Variants in SETD2 observed in about 807,000 individuals in gnomAD.
The protein encoded by SETD2 is histone-lysine N-methyltransferase SETD2.
Under a neutral mutation model 242.1 loss-of-function variants are expected in SETD2, and 31 were observed. That is an observed-to-expected ratio of 0.13 (90% CI 0.10 to 0.17). SETD2 has a LOEUF of 0.17. Ranked by LOEUF, SETD2 falls within the 10% of genes least tolerant of loss-of-function variation. SETD2 has a pLI of 1.00. For missense variants in SETD2, 2,481 were observed against 3,046.3 expected (o/e 0.81, Z 4.37); for synonymous variants, 1,006 against 1,066.5 (o/e 0.94, Z 1.11).
At chr3:47,160,785 TAA>T (rs1234610073) in intron 1 of SETD2, among the ~76,000 whole-genome samples, 4 of 152,176 alleles carry the variant, frequency 2.6e-5, no homozygotes, top group Admixed American at 2.0e-4. Flanking sequence ...TCTCCTTCAT[TAA>T]AAGAGTTCCT....
chr3:47,085,016 G>A (rs1439632568), intron 11 of SETD2, among the ~76,000 whole-genome samples: 2 of 151,994 alleles, frequency 1.3e-5, no homozygotes, highest in African/African-American at 4.8e-5. Flanking sequence ...CAGGCATTGA[G>A]CCACAGCGCC....
chr3:47,073,373 G>A (rs972864843), intron 12 of SETD2, among the ~76,000 whole-genome samples: 1 of 152,124 alleles, frequency 6.6e-6, no homozygotes, highest in Non-Finnish European at 1.5e-5. Context: ...ATACTACTGA[G>A]CAATAAGGCT....
At chr3:47,103,207 AT>A (rs1168616707) in intron 7 of SETD2, 138 bp downstream of exon 7, 8 of 602,214 alleles carry the variant, frequency 1.3e-5, no homozygotes, top group Middle Eastern at 3.0e-4. Context: ...CTATTTCCAA[AT>A]AAAATCTTAA....
At position 47,163,947 on chromosome 3, in the gene SETD2, C is replaced by G. The variant is rs1697588948; in HGVS notation, c.-23G>C. 1 of 1,276,686 alleles carries G rather than the reference C, an allele frequency of 7.8e-7. No individual in the cohort carries two copies. Among genetic ancestry groups the G allele is most frequent in the African/African-American group, 1.5e-5 (1 of 65,038 alleles). 79.1% of individuals were successfully genotyped at this position (1,276,686 alleles called of 1,614,324 possible). On this transcript the variant is annotated 5_prime_UTR_variant, in exon 1 of 21. Coordinates refer to ENST00000409792, the MANE Select transcript of SETD2 (RefSeq NM_014159.7). Reference sequence around the variant, plus strand: ...CATCGGGAGCGGCTGGAGACGGCGACGCGAGCCCCCTCCCCGCAGCAGGGC... The same window carrying G: ...CATCGGGAGCGGCTGGAGACGGCGAGGCGAGCCCCCTCCCCGCAGCAGGGC...
intron 1 of SETD2, among the ~76,000 whole-genome samples, chr3:47,135,339 A>G (rs1323731748): frequency 1.3e-5 from 2 of 152,206 alleles, no homozygotes; most frequent in African/African-American, 4.8e-5. Context: ...CAGTGGCACA[A>G]TCTTGGCTCA....
intron 2 of SETD2, among the ~76,000 whole-genome samples, chr3:47,126,304 G>A (rs965510077): frequency 9.2e-5 from 14 of 152,236 alleles, no homozygotes; most frequent in Admixed American, 7.9e-4. Context: ...TTACAGGCAT[G>A]AGCCAAATAC....
At chr3:47,079,850 C>A (rs961631757) in intron 12 of SETD2, among the ~76,000 whole-genome samples, 5 of 152,070 alleles carry the variant, frequency 3.3e-5, no homozygotes, top group Admixed American at 3.3e-4. Flanking sequence ...AATTTTAGAC[C>A]ATTTTTGCCT....
At chr3:47,069,812 T>C (rs927326692) in intron 12 of SETD2, among the ~76,000 whole-genome samples, 1 of 152,224 alleles carries the variant, frequency 6.6e-6, no homozygotes, top group African/African-American at 2.4e-5. Flanking sequence ...CTTAGTTCTG[T>C]GTGTCTTACT....
In SETD2 at chr3:47,053,679, C is replaced by T. The variant is rs571892003; in HGVS notation, c.6963+3142G>A. Among the ~76,000 whole-genome samples the T allele has an allele frequency of 2.6e-5, 4 of 152,306 alleles. No homozygotes were observed. In the South Asian group the frequency reaches 8.3e-4, roughly 32 times the overall value. On this transcript the variant is annotated intron_variant, in intron 15 of 20. Transcript: ENST00000409792. ...TACTTCACCGCCAAGGTTATCACAG[C>T]TTGCAAACTCTGAGTAGCCATGTTG... is the stretch of plus-strand genomic sequence containing the variant.
intron 1 of SETD2, chr3:47,145,448 A>T: frequency 2.6e-6 from 1 of 382,270 alleles, no homozygotes; most frequent in Non-Finnish European, 5.4e-6. Context: ...TGGAGCAAGT[A>T]CAGTAGTACA....
rs969022192 is a variant in SETD2 at position 47,041,496 on chromosome 3, GA to G, written c.7238+1064del. The G allele has an allele frequency of 1.0e-3, 216 of 214,246 alleles. 1 individual carries two copies. The highest frequency in any genetic ancestry group is 8.4e-3 in the East Asian group (57 of 6,820). The allele number at this position is 214,246 out of a possible 1,614,324, so 13.3% of individuals were successfully genotyped here. On this transcript the variant is annotated intron_variant, in intron 17 of 20. Transcript: ENST00000409792. Reference sequence around the variant, plus strand: ...AAAGACTCTGTCTCTACAAAAAAAAGAAAAAAAAAATTTTAAAGAAAAAATT... The same window carrying G: ...AAAGACTCTGTCTCTACAAAAAAAAGAAAAAAAAATTTTAAAGAAAAAATT...
chr3:47,126,668 T>C lies in SETD2; in HGVS notation c.72-5A>G. 7.5e-7 allele frequency: 1 copy of C among 1,336,054 alleles called. No homozygotes were observed. The highest frequency in any genetic ancestry group is 1.0e-6 in the Non-Finnish European group (1 of 955,860). The allele number at this position is 1,336,054 out of a possible 1,614,324, so 82.8% of individuals were successfully genotyped here. A position where few individuals can be genotyped will look rare whatever the true frequency, so the allele number is the denominator to read the frequency against. On this transcript the variant is annotated splice_polypyrimidine_tract_variant and splice_region_variant and intron_variant, in intron 1 of 20. Coordinates refer to ENST00000409792, the MANE Select transcript of SETD2 (RefSeq NM_014159.7). ...CTTACCTCATTTTCTTCTTCTCTATTTCCATTCAGCCAAGAAAACATGCAA... is the reference window on the plus strand; with the variant it reads ...CTTACCTCATTTTCTTCTTCTCTATCTCCATTCAGCCAAGAAAACATGCAA...
In SETD2 at chr3:47,042,619, T is replaced by C. The variant is rs564576540; in HGVS notation, c.7180A>G (p.Asn2394Asp). ...TCTGGATCTCGAGCTGTCTTCCAGT[T>C]GGGAGGTAAGACAATGGTTTTTGGT... Reference protein sequence around the residue: ...PKPKTIVLPPNWKTARDPEGK... With the variant: ...PKPKTIVLPPDWKTARDPEGK... The change falls in exon 17 of 21, where the codon AAC becomes GAC. Residue 2394 changes from asparagine to aspartate, a missense_variant. Asn to Asp is a conservative substitution (Grantham distance 23, BLOSUM62 1). Around this residue, in one of 17 missense-constraint regions of SETD2, gnomAD observed 235 missense variants for 293.9 expected, o/e 0.80. Coordinates refer to ENST00000409792, the MANE Select transcript of SETD2 (RefSeq NM_014159.7). 1 of 1,613,756 alleles carries C rather than the reference T, an allele frequency of 6.2e-7. No individual in the cohort carries two copies. Among genetic ancestry groups the C allele is most frequent in the Non-Finnish European group, 8.5e-7 (1 of 1,179,860 alleles).
intron 18 of SETD2, among the ~76,000 whole-genome samples, chr3:47,022,193 TCACACACACACACA>T (rs55972218): frequency 0.025 from 3,216 of 131,016 alleles, 60 homozygotes; most frequent in Middle Eastern, 0.065. Flanking sequence ...CAACAATCTG[TCACACACACACACA>T]CACACACACA....
In SETD2 at chr3:47,114,044, G is replaced by A. The variant is rs776841043; in HGVS notation, c.4587-40C>T. 1.9e-6 allele frequency: 3 copies of A among 1,583,148 alleles called. No homozygotes were observed. The Admixed American group carries it at 5.8e-5, about 31-fold the overall frequency. On this transcript the variant is annotated intron_variant, in intron 4 of 20. Transcript: ENST00000409792. ...GGAGGAAATTTAATTCTTTAAAGCA[G>A]CAAAAGAACCAAAGTAACTTTGAAA...
At chr3:47,059,427 GT>G (rs961316542) in intron 14 of SETD2, among the ~76,000 whole-genome samples, 2 of 140,178 alleles carry the variant, frequency 1.4e-5, no homozygotes, top group Non-Finnish European at 1.6e-5. Context: ...CAAATTTTTT[GT>G]TTTTTTTTTG....
chr3:47,095,605 T>TG (rs1274757847), intron 9 of SETD2, among the ~76,000 whole-genome samples: 1 of 152,146 alleles, frequency 6.6e-6, no homozygotes, highest in Non-Finnish European at 1.5e-5. Flanking sequence ...AGACTAGGTA[T>TG]GACCCAGTGA....
chr3:47,097,883 C>T (rs540706102), intron 9 of SETD2, 72 bp downstream of exon 9: 52 of 1,504,886 alleles, frequency 3.5e-5, no homozygotes, highest in Non-Finnish European at 9.2e-6. Context: ...GACTTTATAA[C>T]CTTCAATCAG....
intron 9 of SETD2, among the ~76,000 whole-genome samples, chr3:47,088,656 TGA>T (rs2041668688): frequency 6.6e-6 from 1 of 152,192 alleles, no homozygotes; most frequent in Non-Finnish European, 1.5e-5. Context: ...CGCTGCTGTG[TGA>T]GATATATCTC....
Sources: allele counts gnomAD v4.1 joint callset (sites outside exome capture counted in the v4.1 genomes callset), GRCh38; gene constraint gnomAD v4.1.1; regional missense constraint gnomAD v4.1.1; transcripts MANE v1.5; gene names NCBI Gene and HGNC (gene_info 2026-07-23, HGNC 2026-07-21).